RBFOX1: variants seen among roughly 807,000 people sequenced by gnomAD.
The protein encoded by RBFOX1 is RNA binding protein fox-1 homolog 1.
In RBFOX1, 8 loss-of-function variants were observed where a neutral mutation model predicts 57.7. The ratio of observed to expected loss-of-function variants is 0.14; its 90% CI spans 0.08 to 0.25. The LOEUF (loss-of-function observed/expected upper bound fraction) is 0.25, where lower values mean the gene tolerates loss of function less well. RBFOX1 is among the 10% of genes least tolerant of loss of function. The probability of loss-of-function intolerance (pLI) is 1.00; values close to 1 mark genes in which losing one functional copy is unlikely to be tolerated. For missense variants in RBFOX1, 611 were observed against 548.5 expected, an observed-to-expected ratio of 1.11 and a Z score of -1.14; for synonymous variants, 326 against 222.4, an observed-to-expected ratio of 1.47 and a Z score of -4.15.
At chr16:7,287,669 TG>T (rs1451131659) in intron 4 of RBFOX1, among the ~76,000 whole-genome samples, 2 of 151,886 alleles carry the variant, frequency 1.3e-5, no homozygotes, top group African/African-American at 4.8e-5. Flanking sequence ...TTTTGAAAAA[TG>T]ATAAAAGTCG....
chr16:6,971,333 G>C (rs1358933744), intron 3 of RBFOX1, among the ~76,000 whole-genome samples: 2 of 152,160 alleles, frequency 1.3e-5, no homozygotes, highest in Non-Finnish European at 2.9e-5. Flanking sequence ...AACATCCATG[G>C]AAGAGCAATC....
At chr16:5,322,238 C>CA (rs2064431050) in intron 1 of RBFOX1, among the ~76,000 whole-genome samples, 1 of 152,174 alleles carries the variant, frequency 6.6e-6, no homozygotes, top group African/African-American at 2.4e-5. Context: ...AAACTAGAAG[C>CA]AATAGAAAGC....
At chr16:5,654,342 C>G (rs935184138) in intron 3 of RBFOX1, among the ~76,000 whole-genome samples, 1 of 152,084 alleles carries the variant, frequency 6.6e-6, no homozygotes, top group African/African-American at 2.4e-5. Flanking sequence ...AGATGTTAAG[C>G]CATTAAGCTG....
chr16:6,832,325 C>A (rs759832760), intron 3 of RBFOX1, among the ~76,000 whole-genome samples: 3 of 152,234 alleles, frequency 2.0e-5, no homozygotes, highest in Non-Finnish European at 4.4e-5. Flanking sequence ...CAGTGTTACT[C>A]ATTATGTGGT....
At chr16:6,045,130 G>A (rs2095481895) in intron 1 of RBFOX1, among the ~76,000 whole-genome samples, 1 of 152,200 alleles carries the variant, frequency 6.6e-6, no homozygotes, top group Non-Finnish European at 1.5e-5. Context: ...TAATGAGCGT[G>A]CAAATCACCC....
At chr16:6,920,006 C>G (rs1317429679) in intron 3 of RBFOX1, among the ~76,000 whole-genome samples, 1 of 152,008 alleles carries the variant, frequency 6.6e-6, no homozygotes, top group Non-Finnish European at 1.5e-5. Flanking sequence ...CAAAGCTTAG[C>G]TCTCCCTTAT....
intron 3 of RBFOX1, among the ~76,000 whole-genome samples, chr16:6,922,898 G>T (rs1303278732): frequency 1.3e-5 from 2 of 152,054 alleles, no homozygotes; most frequent in East Asian, 3.9e-4. Flanking sequence ...TAAACAAGGG[G>T]GTCTATATGT....
chr16:6,953,628 C>T (rs940004873), intron 3 of RBFOX1, among the ~76,000 whole-genome samples: 3 of 152,158 alleles, frequency 2.0e-5, no homozygotes, highest in African/African-American at 7.2e-5. Context: ...TTGAAGTGAT[C>T]CACTCATCTC....
At chr16:6,935,839 A>G (rs868604449) in intron 3 of RBFOX1, among the ~76,000 whole-genome samples, 3 of 152,188 alleles carry the variant, frequency 2.0e-5, no homozygotes, top group South Asian at 4.1e-4. Context: ...ATCCGGGGCC[A>G]GGATACCTGT....
chr16:6,160,977 T>A (rs1457078968), intron 1 of RBFOX1, among the ~76,000 whole-genome samples: 1 of 152,240 alleles, frequency 6.6e-6, no homozygotes, highest in African/African-American at 2.4e-5. Flanking sequence ...CTATCTCTCC[T>A]TCTTCCTACC....
intron 5 of RBFOX1, among the ~76,000 whole-genome samples, chr16:7,518,604 A>T (rs547735314): frequency 8.8e-4 from 134 of 152,212 alleles, no homozygotes; most frequent in Admixed American, 2.1e-3. Flanking sequence ...AATTAATTTC[A>T]TTTATTTGTA....
At position 6,907,234 on chromosome 16, in the gene RBFOX1, G is replaced by T. The variant is rs1034760402; in HGVS notation, c.-15-144823G>T. On this transcript the variant is annotated intron_variant, in intron 3 of 15. Transcript: ENST00000550418. Reference sequence around the variant, plus strand: ...GATGTTGTTAAATATCCTACAGTGCGCAGGATGGCCCCCGAAGCAAAGCGT... The same window carrying T: ...GATGTTGTTAAATATCCTACAGTGCTCAGGATGGCCCCCGAAGCAAAGCGT... 7.9e-5 allele frequency among the ~76,000 whole-genome samples: 12 copies of T among 152,228 alleles called. 1 individual carries two copies. The highest frequency in any genetic ancestry group is 6.5e-4 in the Admixed American group (10 of 15,300).
chr16:5,978,404 C>G (rs2060109064), intron 4 of RBFOX1, among the ~76,000 whole-genome samples: 1 of 152,092 alleles, frequency 6.6e-6, no homozygotes. Context: ...CAAGTTAGCA[C>G]AGAGAGTTCC....
intron 11 of RBFOX1, among the ~76,000 whole-genome samples, chr16:7,639,490 G>C (rs575224890): frequency 6.6e-6 from 1 of 152,216 alleles, no homozygotes; most frequent in African/African-American, 2.4e-5. Context: ...CTTTATTGAA[G>C]TTTTTTCTAT....
At chr16:6,105,107 A>G (rs1201566248) in intron 1 of RBFOX1, among the ~76,000 whole-genome samples, 25 of 152,234 alleles carry the variant, frequency 1.6e-4, no homozygotes, top group Non-Finnish European at 1.5e-5. Flanking sequence ...CCAGAGCCAT[A>G]TTAAAAAGGA....
chr16:6,239,248 G>A (rs900502187), intron 1 of RBFOX1, among the ~76,000 whole-genome samples: 4 of 151,950 alleles, frequency 2.6e-5, no homozygotes, highest in Non-Finnish European at 5.9e-5. Context: ...TTTGATGTTC[G>A]TCTTATCTTT....
intron 2 of RBFOX1, among the ~76,000 whole-genome samples, chr16:6,338,565 T>G (rs1486278580): frequency 6.6e-6 from 1 of 152,204 alleles, no homozygotes; most frequent in Non-Finnish European, 1.5e-5. Context: ...AATATTTTTT[T>G]AAAAACTTGG....
chr16:5,700,032 C>T (rs1022168224), intron 3 of RBFOX1, among the ~76,000 whole-genome samples: 2 of 152,082 alleles, frequency 1.3e-5, no homozygotes, highest in African/African-American at 4.8e-5. Flanking sequence ...CGGGGTTTTA[C>T]CGTGTTAGCC....
In RBFOX1 at chr16:5,294,646, A is replaced by C. The variant is rs2063617588; in HGVS notation, c.219+54541A>C. Among the ~76,000 whole-genome samples, 8 of 152,126 alleles carry C rather than the reference A, an allele frequency of 5.3e-5. No homozygotes were observed. The South Asian group carries it at 1.7e-3, about 32-fold the overall frequency. ...GCAGTGACCTAGGAACTATTTCTGAACACCCCTATGTTTCCCCTGTATTTG... is the reference window on the plus strand; with the variant it reads ...GCAGTGACCTAGGAACTATTTCTGACCACCCCTATGTTTCCCCTGTATTTG... On this transcript the variant is annotated intron_variant, in intron 1 of 2. Coordinates refer to the RBFOX1 transcript ENST00000585867.
Sources: gnomAD v4.1 joint callset for allele counts (sites outside exome capture counted in the v4.1 genomes callset) on GRCh38, gnomAD v4.1.1 for gene constraint, MANE v1.5 for transcripts, NCBI Gene and HGNC (gene_info 2026-07-23, HGNC 2026-07-21) for gene names.